Variants in DYNC2H1 observed in about 807,000 individuals in gnomAD.
DYNC2H1 encodes the protein dynein cytoplasmic 2 heavy chain 1, also known as cytoplasmic dynein 2 heavy chain 1.
In DYNC2H1, 410 loss-of-function variants were observed where a neutral mutation model predicts 570.0. That is an observed-to-expected ratio of 0.72 (90% CI 0.66 to 0.78). The LOEUF is 0.78. Among genes scored for constraint, DYNC2H1 ranks in the 30% least tolerant of loss-of-function variants. The pLI, the probability that DYNC2H1 is intolerant of heterozygous loss-of-function variation, is 0.00. For synonymous variants in DYNC2H1, 1,688 were observed against 1,677.6 expected, an observed-to-expected ratio of 1.01 and a Z score of -0.15; for missense variants, 4,865 against 5,046.4, an observed-to-expected ratio of 0.96 and a Z score of 1.09.
At position 103,255,380 on chromosome 11, in the gene DYNC2H1, T is replaced by C; in HGVS notation, c.10207-35T>C. ...AGTTTTTGTTTTGTTTTAAGCCTTA[T>C]TGCTAGAATTACCTTGTCTTTTTGT... On this transcript the variant is annotated intron_variant, in intron 66 of 88. Transcript: ENST00000375735. The C allele has an allele frequency of 2.6e-6, 4 of 1,535,280 alleles. No individual in the cohort carries two copies. In the South Asian group the frequency reaches 3.8e-5, roughly 14 times the overall value.
At chr11:103,387,891 T>C (rs1216126047) in intron 83 of DYNC2H1, among the ~76,000 whole-genome samples, 1 of 152,204 alleles carries the variant, frequency 6.6e-6, no homozygotes, top group Non-Finnish European at 1.5e-5. Flanking sequence ...TACCATGCTG[T>C]TTTGGTTACT....
chr11:103,310,271 G>A (rs185035173), intron 78 of DYNC2H1, among the ~76,000 whole-genome samples: 2 of 150,440 alleles, frequency 1.3e-5, no homozygotes, highest in Admixed American at 1.3e-4. Flanking sequence ...ATTTTTTCTC[G>A]TTTTCTTCTT....
At chr11:103,371,347 TAAAG>T (rs757618289) in intron 83 of DYNC2H1, among the ~76,000 whole-genome samples, 34 of 152,036 alleles carry the variant, frequency 2.2e-4, no homozygotes, top group African/African-American at 2.4e-5. Flanking sequence ...TTATTGGCCT[TAAAG>T]AGGAGGTAGA....
Position 103,132,588 on chromosome 11 carries a change from G to A in DYNC2H1, c.1954-967G>A, listed in dbSNP as rs1198347515. Reference sequence around the variant, plus strand: ...GTCATTTTGGATATTATATTATGATGCACTGTATAATATTTAATTTTTATA... The same window carrying A: ...GTCATTTTGGATATTATATTATGATACACTGTATAATATTTAATTTTTATA... On this transcript the variant is annotated intron_variant, in intron 13 of 88. Coordinates refer to ENST00000375735, the MANE Select transcript of DYNC2H1 (RefSeq NM_001377.3). Among the ~76,000 whole-genome samples the A allele has an allele frequency of 2.0e-5, 3 of 151,660 alleles. No homozygotes were observed. The East Asian group carries it at 5.8e-4, about 29-fold the overall frequency.
intron 84 of DYNC2H1, among the ~76,000 whole-genome samples, chr11:103,434,703 A>T (rs1422594842): frequency 2.6e-5 from 4 of 152,080 alleles, no homozygotes; most frequent in Non-Finnish European, 5.9e-5. Flanking sequence ...TTTTAGCTTA[A>T]AAGTGTGAAA....
chr11:103,371,807 A>G (rs1287293178), intron 83 of DYNC2H1, among the ~76,000 whole-genome samples: 1 of 151,860 alleles, frequency 6.6e-6, no homozygotes, highest in Admixed American at 6.6e-5. Context: ...ATTTTGTATC[A>G]TGAAACTATA....
At chr11:103,470,902 A>C (rs1016625776) in intron 88 of DYNC2H1, among the ~76,000 whole-genome samples, 1 of 152,200 alleles carries the variant, frequency 6.6e-6, no homozygotes, top group African/African-American at 2.4e-5. Context: ...TTATAGCAGC[A>C]TGATTTATAA....
intron 85 of DYNC2H1, among the ~76,000 whole-genome samples, chr11:103,450,053 G>C (rs1944547164): frequency 6.6e-6 from 1 of 152,120 alleles, no homozygotes; most frequent in Admixed American, 6.5e-5. Context: ...AGCTGGTGTA[G>C]CTATATTAAA....
At chr11:103,329,225 A>G (rs1316700439) in intron 82 of DYNC2H1, among the ~76,000 whole-genome samples, 5 of 151,778 alleles carry the variant, frequency 3.3e-5, no homozygotes, top group Admixed American at 3.3e-4. Flanking sequence ...AAATCTTTGA[A>G]AGAATTTTAG....
intron 84 of DYNC2H1, among the ~76,000 whole-genome samples, chr11:103,411,191 C>T (rs761462246): frequency 2.0e-5 from 3 of 152,046 alleles, no homozygotes; most frequent in Non-Finnish European, 4.4e-5. Context: ...TATAAACCGT[C>T]ATTTACAGTT....
chr11:103,308,869 A>G (rs1200829869), intron 78 of DYNC2H1, among the ~76,000 whole-genome samples: 3 of 152,136 alleles, frequency 2.0e-5, no homozygotes, highest in East Asian at 1.9e-4. Context: ...TTAATAGTTC[A>G]TTATATATTC....
chr11:103,321,974 AT>A (rs984646295), intron 81 of DYNC2H1, among the ~76,000 whole-genome samples: 1 of 152,024 alleles, frequency 6.6e-6, no homozygotes, highest in East Asian at 1.9e-4. Flanking sequence ...TTTCATCCAA[AT>A]TTTTTTCAAG....
rs3076351 is a variant in DYNC2H1 at position 103,270,577 on chromosome 11, CCTCTCT to C, written c.10696-9751_10696-9746del. On this transcript the variant is annotated intron_variant, in intron 70 of 88. Coordinates refer to ENST00000375735, the MANE Select transcript of DYNC2H1 (RefSeq NM_001377.3). ...GTGATGAAAATTATATGATGTGGTACCTCTCTCTCTCTCTCTCTCTCTCTCGAACTA... is the reference window on the plus strand; with the variant it reads ...GTGATGAAAATTATATGATGTGGTACCTCTCTCTCTCTCTCTCTCGAACTA... Among the ~76,000 whole-genome samples, 817 of 146,366 alleles carry C rather than the reference CCTCTCT, an allele frequency of 5.6e-3. 11 individuals carry two copies. The highest frequency in any genetic ancestry group is 7.1e-3 in the Middle Eastern group (2 of 280).
rs1383857662 is a variant in DYNC2H1, at chr11:103,468,602, T to C, written c.12662T>C (p.Leu4221Ser). 1.2e-6 allele frequency: 2 copies of C among 1,613,174 alleles called. No individual in the cohort carries two copies. The highest frequency in any genetic ancestry group is 2.2e-5 in the East Asian group (1 of 44,864). ...AKLQIKISGLLLEGCSFDGNQ... is the reference protein window; with the variant it reads ...AKLQIKISGLSLEGCSFDGNQ... ...TTTCCATGGCAGATCAGTGGCTTGT[T>C]ACTAGAAGGATGTAGTTTTGATGGA... The change falls in exon 88 of 89, where the codon TTA becomes TCA. Residue 4221 changes from leucine to serine, a missense_variant. Around this residue, in one of 5 missense-constraint regions of DYNC2H1, gnomAD observed 2,401 missense variants for 2,454.6 expected, o/e 0.98. Transcript: ENST00000375735.
chr11:103,357,864 C>T (rs763435680), intron 82 of DYNC2H1, among the ~76,000 whole-genome samples: 5 of 152,132 alleles, frequency 3.3e-5, no homozygotes, highest in Admixed American at 6.5e-5. Context: ...ATGGGAGGAT[C>T]GCTTGAGCCC....
intron 38 of DYNC2H1, among the ~76,000 whole-genome samples, 171 bp from the exon 39 acceptor site, chr11:103,178,855 C>T (rs761713824): frequency 6.6e-6 from 1 of 151,940 alleles, no homozygotes; most frequent in Non-Finnish European, 1.5e-5. Context: ...AGTATTATTA[C>T]ATGATATATA....
chr11:103,311,295 G>A (rs1045074271), intron 78 of DYNC2H1, among the ~76,000 whole-genome samples: 1 of 152,048 alleles, frequency 6.6e-6, no homozygotes, highest in African/African-American at 2.4e-5. Context: ...AAAAAATAAT[G>A]ACAGATATGA....
rs190961579 is a variant in DYNC2H1 at position 103,333,849 on chromosome 11, C to G, written c.12039+9859C>G. Among the ~76,000 whole-genome samples, 35 of 152,150 alleles carry G rather than the reference C, an allele frequency of 2.3e-4. 1 individual carries two copies. Among genetic ancestry groups the G allele is most frequent in the East Asian group, 9.6e-4 (5 of 5,182 alleles). On this transcript the variant is annotated intron_variant, in intron 82 of 88. Transcript: ENST00000375735. ...AACTTTAATGTAGAAATTTCTTTTT[C>G]TCTTTTAGTGGAAATTAGATGTTGA...
At chr11:103,227,687 C>G (rs1472040408) in intron 59 of DYNC2H1, among the ~76,000 whole-genome samples, 1 of 152,096 alleles carries the variant, frequency 6.6e-6, no homozygotes, top group African/African-American at 2.4e-5. Context: ...CTGTAAATAT[C>G]TGTTAAGTCC....
Sources: allele counts gnomAD v4.1 joint callset (sites outside exome capture counted in the v4.1 genomes callset), GRCh38; gene constraint gnomAD v4.1.1; regional missense constraint gnomAD v4.1.1; transcripts MANE v1.5; gene names NCBI Gene and HGNC (gene_info 2026-07-23, HGNC 2026-07-21).